Variants in MAGI2 observed in about 807,000 individuals in gnomAD.
MAGI2 encodes membrane-associated guanylate kinase, WW and PDZ domain-containing protein 2.
MAGI2 carries 35 observed loss-of-function variants against 133.3 expected under a neutral mutation model. The observed-to-expected ratio is 0.26, with a 90% confidence interval of 0.20 to 0.35. The LOEUF is 0.35. MAGI2 is among the 10% of genes least tolerant of loss of function. MAGI2 has a pLI of 1.00. For synonymous variants in MAGI2, 729 were observed against 710.6 expected (o/e 1.03, Z -0.41); for missense variants, 1,636 against 1,863.4 (o/e 0.88, Z 2.25).
In MAGI2 at chr7:78,434,558, G is replaced by A. The variant is rs563169543; in HGVS notation, c.1045+55203C>T. Reference sequence around the variant, plus strand: ...AGGAACATTTCTCTAGTTTCTTATGGAAAGGGAATAAAAGGGGAGAGAAGG... The same window carrying A: ...AGGAACATTTCTCTAGTTTCTTATGAAAAGGGAATAAAAGGGGAGAGAAGG... On this transcript the variant is annotated intron_variant, in intron 6 of 21. Coordinates refer to ENST00000354212, the MANE Select transcript of MAGI2 (RefSeq NM_012301.4). 7.9e-5 allele frequency among the ~76,000 whole-genome samples: 12 copies of A among 152,196 alleles called. No homozygotes were observed. The East Asian group carries it at 2.3e-3, about 29-fold the overall frequency.
intron 10 of MAGI2, among the ~76,000 whole-genome samples, chr7:78,240,796 T>A (rs1296296428): frequency 6.6e-6 from 1 of 152,190 alleles, no homozygotes; most frequent in Non-Finnish European, 1.5e-5. Flanking sequence ...AATGTTCTCA[T>A]CACAAAAATA....
intron 9 of MAGI2, among the ~76,000 whole-genome samples, chr7:78,312,227 C>CT (rs1798770269): frequency 7.3e-6 from 1 of 136,432 alleles, no homozygotes; most frequent in Admixed American, 7.3e-5. Context: ...TATTTTGAAA[C>CT]ATTTTTTTTC....
intron 2 of MAGI2, among the ~76,000 whole-genome samples, chr7:78,740,913 C>G (rs913446125): frequency 6.6e-6 from 1 of 152,210 alleles, no homozygotes; most frequent in East Asian, 1.9e-4. Context: ...TTCTCAAGAA[C>G]AGGCCTTGGA....
At chr7:78,658,449 C>A (rs1440433313) in intron 2 of MAGI2, among the ~76,000 whole-genome samples, 2 of 152,048 alleles carry the variant, frequency 1.3e-5, no homozygotes, top group East Asian at 3.8e-4. Flanking sequence ...AAGCACAACC[C>A]ATAGAAGGGA....
chr7:79,122,151 C>A (rs1007293729), intron 1 of MAGI2, among the ~76,000 whole-genome samples: 1 of 152,110 alleles, frequency 6.6e-6, no homozygotes, highest in Admixed American at 6.6e-5. Flanking sequence ...ATACTAAATT[C>A]TCTGAGGCAT....
chr7:78,954,108 A>G (rs975692101), intron 2 of MAGI2, among the ~76,000 whole-genome samples: 2 of 152,094 alleles, frequency 1.3e-5, no homozygotes, highest in Non-Finnish European at 2.9e-5. Context: ...TTGTCATCTT[A>G]AAATGTATCC....
At chr7:78,739,745 G>A (rs1002722406) in intron 2 of MAGI2, among the ~76,000 whole-genome samples, 4 of 152,088 alleles carry the variant, frequency 2.6e-5, no homozygotes, top group African/African-American at 7.2e-5. Flanking sequence ...ACACCTCCTC[G>A]GCAAATGGTT....
intron 12 of MAGI2, among the ~76,000 whole-genome samples, chr7:78,194,386 A>G (rs1211820115): frequency 6.6e-6 from 1 of 152,150 alleles, no homozygotes; most frequent in Non-Finnish European, 1.5e-5. Context: ...GATGATTGGC[A>G]CCTAGATCAG....
chr7:79,136,083 A>AAGAAAGAG (rs1821503874), intron 1 of MAGI2, among the ~76,000 whole-genome samples: 1 of 141,346 alleles, frequency 7.1e-6, no homozygotes, highest in Non-Finnish European at 1.5e-5. Context: ...GAAAGAAAGA[A>AAGAAAGAG]AGAAAGAAAG....
At chr7:78,361,543 A>G (rs1175152998) in intron 7 of MAGI2, among the ~76,000 whole-genome samples, 1 of 152,000 alleles carries the variant, frequency 6.6e-6, no homozygotes, top group Non-Finnish European at 1.5e-5. Flanking sequence ...TGGCTTTAGG[A>G]CAAAGAAAAT....
intron 2 of MAGI2, among the ~76,000 whole-genome samples, chr7:78,797,919 T>C (rs37869): frequency 0.97 from 147,945 of 152,158 alleles, 71,950 homozygotes; most frequent in East Asian, 1. Context: ...ACCTGTCACA[T>C]TAATAATGTC....
At chr7:79,308,780 C>A (rs1007161784) in intron 1 of MAGI2, among the ~76,000 whole-genome samples, 2 of 152,076 alleles carry the variant, frequency 1.3e-5, no homozygotes, top group African/African-American at 4.8e-5. Flanking sequence ...CTCTCAAAGG[C>A]TAGGCAAGCC....
Position 78,521,449 on chromosome 7 carries a change from A to T in MAGI2, c.735T>A (p.Asn245Lys). The part of the protein sequence containing the change: ...EEEERPVVNG[N>K]GVVVTPESSE... ...ACTAACCTGGTGTTACTACTACTCCATTTCCATTGACCACAGGCCTCTCTT... is the reference window on the plus strand; with the variant it reads ...ACTAACCTGGTGTTACTACTACTCCTTTTCCATTGACCACAGGCCTCTCTT... The change falls in exon 4 of 22, where the codon AAT becomes AAA. Residue 245 changes from asparagine (N) to lysine (K), a missense_variant. This residue lies in a region of MAGI2 where 165 missense variants were observed against 128.4 expected (regional missense o/e 1.28). Coordinates refer to ENST00000354212, the MANE Select transcript of MAGI2 (RefSeq NM_012301.4). 6.2e-7 allele frequency: 1 copy of T among 1,613,960 alleles called. No homozygotes were observed.
intron 2 of MAGI2, among the ~76,000 whole-genome samples, chr7:78,921,383 G>A (rs1799209542): frequency 6.6e-6 from 1 of 152,128 alleles, no homozygotes; most frequent in Non-Finnish European, 1.5e-5. Context: ...AGATTCCTAA[G>A]TTCATCCCTC....
At chr7:78,325,317 G>A (rs1378348983) in intron 9 of MAGI2, among the ~76,000 whole-genome samples, 1 of 152,174 alleles carries the variant, frequency 6.6e-6, no homozygotes, top group Non-Finnish European at 1.5e-5. Flanking sequence ...TCTTTGATGG[G>A]AGACAGTTTA....
intron 2 of MAGI2, among the ~76,000 whole-genome samples, chr7:78,787,949 A>G (rs1365143408): frequency 6.6e-6 from 1 of 152,246 alleles, no homozygotes; most frequent in African/African-American, 2.4e-5. Flanking sequence ...TTTGTTCCTC[A>G]AGAAATGATT....
At chr7:78,939,116 C>G (rs543632045) in intron 2 of MAGI2, among the ~76,000 whole-genome samples, 4 of 152,224 alleles carry the variant, frequency 2.6e-5, no homozygotes, top group Admixed American at 6.5e-5. Context: ...GCCTTGGCCT[C>G]CCAAGTAGCT....
chr7:79,164,915 A>T (rs1251345056), intron 1 of MAGI2, among the ~76,000 whole-genome samples: 1 of 152,104 alleles, frequency 6.6e-6, no homozygotes, highest in Non-Finnish European at 1.5e-5. Context: ...AAGATTTTAC[A>T]GCATTTGACT....
At chr7:79,436,741 G>A (rs1162299018) in intron 1 of MAGI2, among the ~76,000 whole-genome samples, 5 of 152,200 alleles carry the variant, frequency 3.3e-5, no homozygotes, top group African/African-American at 1.2e-4. Context: ...TTCATATACT[G>A]TTGGTGGGAT....
Sources: gnomAD v4.1 joint callset for allele counts (sites outside exome capture counted in the v4.1 genomes callset) on GRCh38, gnomAD v4.1.1 for gene constraint, gnomAD v4.1.1 regional missense constraint, MANE v1.5 for transcripts, NCBI Gene and HGNC (gene_info 2026-07-23, HGNC 2026-07-21) for gene names.